CRNKL1: variants seen among roughly 807,000 people sequenced by gnomAD.
The protein encoded by CRNKL1 is crooked neck pre-mRNA splicing factor 1, also known as crooked neck-like protein 1.
CRNKL1 carries 35 observed loss-of-function variants against 103.7 expected under a neutral mutation model. That is an observed-to-expected ratio of 0.34 (90% CI 0.26 to 0.45). CRNKL1 has a LOEUF of 0.45. Ranked by LOEUF, CRNKL1 falls within the 20% of genes least tolerant of loss-of-function variation. The pLI, the probability that CRNKL1 is intolerant of heterozygous loss-of-function variation, is 1.00. For missense variants in CRNKL1, 645 were observed against 836.0 expected, an observed-to-expected ratio of 0.77 and a Z score of 2.82; for synonymous variants, 267 against 282.6, an observed-to-expected ratio of 0.94 and a Z score of 0.55.
At chr20:20,042,840 G>A (rs2043537484) in intron 7 of CRNKL1, among the ~76,000 whole-genome samples, 1 of 152,172 alleles carries the variant, frequency 6.6e-6, no homozygotes, top group Non-Finnish European at 1.5e-5. Context: ...GTATCATTAT[G>A]TCTGTAACAA....
intron 2 of CRNKL1, among the ~76,000 whole-genome samples, 199 bp from the exon 3 acceptor site, chr20:20,049,630 T>C (rs565700836): frequency 6.6e-6 from 1 of 152,358 alleles, no homozygotes; most frequent in Non-Finnish European, 1.5e-5. Flanking sequence ...AAATGGTCTA[T>C]GCTTGTCCCT....
At chr20:20,055,385 C>T (rs1020968089), upstream of CRNKL1, among the ~76,000 whole-genome samples, 2 of 152,144 alleles carry the variant, frequency 1.3e-5, no homozygotes, top group Admixed American at 6.6e-5. Flanking sequence ...GTAGAGAAAG[C>T]TTGTCACTTT....
intron 1 of CRNKL1, among the ~76,000 whole-genome samples, 153 bp downstream of exon 1, chr20:20,052,139 G>A (rs923977613): frequency 7.2e-5 from 11 of 152,188 alleles, no homozygotes; most frequent in African/African-American, 2.2e-4. Context: ...GATGACAAGA[G>A]CCCGCGCCCC....
At chr20:20,047,405 G>T (rs533791529) in intron 5 of CRNKL1, among the ~76,000 whole-genome samples, 1 of 152,232 alleles carries the variant, frequency 6.6e-6, no homozygotes, top group South Asian at 2.1e-4. Context: ...CTATGCATAG[G>T]TTACATGCAA....
intron 4 of CRNKL1, 45 bp downstream of exon 4, chr20:20,048,298 C>T (rs2043626886): frequency 6.3e-7 from 1 of 1,596,240 alleles, no homozygotes; most frequent in East Asian, 2.2e-5. Context: ...AGATGTGGAA[C>T]TTTGCTAGTC....
intron 10 of CRNKL1, 127 bp from the exon 11 acceptor site, chr20:20,039,975 T>C (rs1051586712): frequency 5.4e-6 from 5 of 926,300 alleles, no homozygotes; most frequent in African/African-American, 3.3e-5. Flanking sequence ...CCTACCATTC[T>C]TTCCCTCTGT....
At chr20:20,038,652 A>T in intron 11 of CRNKL1, 2 of 446,878 alleles carry the variant, frequency 4.5e-6, no homozygotes, top group Non-Finnish European at 7.8e-6. Flanking sequence ...AGATTACAGA[A>T]AAAGGGCCTT....
chr20:20,056,011 T>C, upstream of CRNKL1: 3 of 1,605,844 alleles, frequency 1.9e-6, no homozygotes, highest in South Asian at 3.3e-5. Flanking sequence ...ACTGTTGCCG[T>C]CATTAGAGAT....
intron 2 of CRNKL1, 95 bp from the exon 3 acceptor site, chr20:20,049,526 C>A (rs1215856431): frequency 1.6e-6 from 1 of 638,042 alleles, no homozygotes; most frequent in Non-Finnish European, 2.7e-6. Context: ...AATGGTTATT[C>A]ATTTTGTTCA....
upstream of CRNKL1, among the ~76,000 whole-genome samples, chr20:20,054,837 T>C (rs896897240): frequency 1.3e-5 from 2 of 152,258 alleles, no homozygotes; most frequent in Non-Finnish European, 2.9e-5. Context: ...GTAGTTTTAC[T>C]ATATATTTGG....
chr20:20,039,974 C>T, intron 10 of CRNKL1, 126 bp from the exon 11 acceptor site: 2 of 944,070 alleles, frequency 2.1e-6, no homozygotes, highest in Non-Finnish European at 3.2e-6. Context: ...GCCTACCATT[C>T]TTTCCCTCTG....
chr20:20,036,419 G>A (rs193225692), intron 13 of CRNKL1, 57 bp from the exon 14 acceptor site: 3 of 1,522,820 alleles, frequency 2.0e-6, no homozygotes, highest in East Asian at 4.6e-5. Flanking sequence ...TCACATATCA[G>A]AGTGAAGAAT....
At chr20:20,050,696 T>G (rs2043684700) in intron 1 of CRNKL1, 74 bp from the exon 2 acceptor site, 1 of 1,384,554 alleles carries the variant, frequency 7.2e-7, no homozygotes, top group African/African-American at 1.5e-5. Context: ...ACATACATTT[T>G]TTAGGATATG....
At position 20,052,376 on chromosome 20, in the gene CRNKL1, C is replaced by G. The variant is rs1405905264; in HGVS notation, c.-34G>C. On this transcript the variant is annotated 5_prime_UTR_variant, in exon 1 of 14. Transcript: ENST00000536226. ...CAGTCGACCTCTGGACACCTGTCCCCGGCACGGACGCTAGAAATCGGCTCT... is the reference window on the plus strand; with the variant it reads ...CAGTCGACCTCTGGACACCTGTCCCGGGCACGGACGCTAGAAATCGGCTCT... 2 of 1,614,052 alleles carry G rather than the reference C, an allele frequency of 1.2e-6. No homozygotes were observed. Among genetic ancestry groups the G allele is most frequent in the African/African-American group, 1.3e-5 (1 of 74,944 alleles).
intron 5 of CRNKL1, 108 bp from the exon 6 acceptor site, chr20:20,045,594 C>G (rs1021114668): frequency 1.0e-6 from 1 of 988,922 alleles, no homozygotes; most frequent in Admixed American, 2.5e-5. Context: ...AAAATTCAAA[C>G]TACAACTCTA....
At chr20:20,046,710 G>A (rs928251165) in intron 5 of CRNKL1, among the ~76,000 whole-genome samples, 4 of 152,130 alleles carry the variant, frequency 2.6e-5, no homozygotes, top group Non-Finnish European at 5.9e-5. Flanking sequence ...CAAACTCCCC[G>A]ACTGGCCCCA....
Position 20,045,504 on chromosome 20 carries a change from A to G in CRNKL1, c.623-18T>C. ...GAGGACAAGTGCAAGGGAATTAAGG[A>G]AATCCCAGGCAAAACAGCATGGCTT... On this transcript the variant is annotated intron_variant, in intron 5 of 13. Transcript: ENST00000536226. 6.3e-7 allele frequency: 1 copy of G among 1,581,932 alleles called. No homozygotes were observed. The highest frequency in any genetic ancestry group is 2.3e-5 in the East Asian group (1 of 43,858).
Position 20,039,626 on chromosome 20 carries a change from G to A in CRNKL1, c.1528C>T (p.Arg510Cys), listed in dbSNP as rs760353268. Residue 510 changes from arginine to cysteine, a missense_variant, in exon 11 of 14, where the codon CGT becomes TGT. This residue lies in a region of CRNKL1 where 582 missense variants were observed against 707.7 expected (regional missense o/e 0.82). Transcript: ENST00000536226. ...AIYELAISQPRLDMPEVLWKS... is the reference protein window; with the variant it reads ...AIYELAISQPCLDMPEVLWKS... ...ATGCTCACCTCTGGCATGTCTAAAC[G>A]TGGCTGACTGATGGCTAATTCATAG... 10 of 1,613,992 alleles carry A rather than the reference G, an allele frequency of 6.2e-6. No homozygotes were observed. Among genetic ancestry groups the A allele is most frequent in the African/African-American group, 2.7e-5 (2 of 74,892 alleles).
upstream of CRNKL1, chr20:20,052,834 T>C: frequency 9.8e-7 from 1 of 1,020,194 alleles, no homozygotes; most frequent in Non-Finnish European, 1.4e-6. Flanking sequence ...GCCGCCCTTT[T>C]AGGCTGCAAT....
Sources: gnomAD v4.1 joint callset for allele counts (sites outside exome capture counted in the v4.1 genomes callset) on GRCh38, gnomAD v4.1.1 for gene constraint, gnomAD v4.1.1 regional missense constraint, MANE v1.5 for transcripts, NCBI Gene and HGNC (gene_info 2026-07-23, HGNC 2026-07-21) for gene names.